MGMT: variants seen among roughly 807,000 people sequenced by gnomAD.
MGMT encodes the protein methylated-DNA--protein-cysteine methyltransferase.
Under a neutral mutation model 15.9 loss-of-function variants are expected in MGMT, and 14 were observed. The observed-to-expected ratio is 0.88, with a 90% CI of 0.58 to 1.37. MGMT has a LOEUF of 1.37. Among genes scored for constraint, MGMT ranks in the 40% most tolerant of loss-of-function variants. The pLI is 0.00. For missense variants in MGMT, 282 were observed against 268.1 expected (o/e 1.05, Z -0.36); for synonymous variants, 130 against 118.2 (o/e 1.10, Z -0.65).
intron 2 of MGMT, among the ~76,000 whole-genome samples, chr10:129,642,534 C>T (rs74160250): frequency 0.011 from 1,671 of 152,238 alleles, 34 homozygotes; most frequent in African/African-American, 0.037. Context: ...TAATTTTTAA[C>T]TACCCTGGTG....
chr10:129,616,429 C>T (rs1015296101), intron 2 of MGMT, among the ~76,000 whole-genome samples: 1 of 152,000 alleles, frequency 6.6e-6, no homozygotes, highest in Non-Finnish European at 1.5e-5. Flanking sequence ...AGAAGCTGTG[C>T]CCTGGAGCTG....
intron 1 of MGMT, among the ~76,000 whole-genome samples, chr10:129,517,187 G>A (rs181536225): frequency 5.9e-5 from 9 of 152,322 alleles, no homozygotes; most frequent in African/African-American, 1.9e-4. Flanking sequence ...CTGGTGCTCC[G>A]CCCATGGCTC....
intron 3 of MGMT, among the ~76,000 whole-genome samples, chr10:129,724,179 A>T (rs926817052): frequency 1.3e-5 from 2 of 152,180 alleles, no homozygotes; most frequent in Non-Finnish European, 2.9e-5. Flanking sequence ...ATCCATGTAG[A>T]GCCTGTTCCT....
chr10:129,628,000 C>T (rs763186697), intron 2 of MGMT, among the ~76,000 whole-genome samples: 9 of 152,152 alleles, frequency 5.9e-5, no homozygotes, highest in Non-Finnish European at 8.8e-5. Flanking sequence ...ACTTTGGAAG[C>T]GTCTGGCTGG....
chr10:129,752,496 T>C (rs1848760333), intron 3 of MGMT, among the ~76,000 whole-genome samples: 1 of 151,982 alleles, frequency 6.6e-6, no homozygotes, highest in Admixed American at 6.5e-5. Context: ...ATGTTTCAAT[T>C]TAGGTCTAAC....
chr10:129,697,859 C>A (rs1160315071), intron 2 of MGMT, among the ~76,000 whole-genome samples: 1 of 152,190 alleles, frequency 6.6e-6, no homozygotes, highest in Non-Finnish European at 1.5e-5. Flanking sequence ...CATCTACTCT[C>A]ACTGGTGGTT....
chr10:129,564,951 A>G (rs558946051), intron 2 of MGMT, among the ~76,000 whole-genome samples: 10 of 152,094 alleles, frequency 6.6e-5, no homozygotes, highest in Non-Finnish European at 1.2e-4. Context: ...GGATGGCGCC[A>G]TAAACAGGCT....
rs1431406801 is a variant in MGMT at position 129,471,658 on chromosome 10, G to A, written c.-13+4362G>A. ...GCCCTCTGCATCAGAATTACTGTGG[G>A]TGCTGGCTAGAGAGGTCTCTCGATT... On this transcript the variant is annotated intron_variant, in intron 1 of 4. Transcript: ENST00000651593. 5.9e-5 allele frequency among the ~76,000 whole-genome samples: 9 copies of A among 152,262 alleles called. No homozygotes were observed. The East Asian group carries it at 1.6e-3, about 26-fold the overall frequency.
intron 2 of MGMT, among the ~76,000 whole-genome samples, chr10:129,620,064 T>C (rs1847073919): frequency 6.6e-6 from 1 of 152,204 alleles, no homozygotes; most frequent in Non-Finnish European, 1.5e-5. Flanking sequence ...GCTGTGTGTC[T>C]TTGGAGGACA....
chr10:129,489,354 T>C (rs1046207227), intron 1 of MGMT, among the ~76,000 whole-genome samples: 6 of 105,832 alleles, frequency 5.7e-5, no homozygotes, highest in Admixed American at 1.1e-4. Context: ...TGCAGGACTC[T>C]GTCTCAAAAA....
At chr10:129,657,699 A>ACACACG (rs1554874785) in intron 2 of MGMT, among the ~76,000 whole-genome samples, 67 of 124,902 alleles carry the variant, frequency 5.4e-4, no homozygotes, top group African/African-American at 2.2e-3. Flanking sequence ...ACACACACAC[A>ACACACG]CACACACGCA....
At chr10:129,727,325 C>T (rs1848445513) in intron 3 of MGMT, among the ~76,000 whole-genome samples, 1 of 152,210 alleles carries the variant, frequency 6.6e-6, no homozygotes, top group African/African-American at 2.4e-5. Context: ...TACAGGCAGC[C>T]CCAGGAGAGG....
At chr10:129,503,583 A>G (rs781335367) in intron 1 of MGMT, among the ~76,000 whole-genome samples, 12 of 152,228 alleles carry the variant, frequency 7.9e-5, no homozygotes, top group Non-Finnish European at 1.8e-4. Flanking sequence ...TTTAAAAAAG[A>G]GACTGTTTCT....
intron 2 of MGMT, among the ~76,000 whole-genome samples, chr10:129,604,168 T>C (rs534055702): frequency 6.6e-6 from 1 of 152,188 alleles, no homozygotes; most frequent in Non-Finnish European, 1.5e-5. Flanking sequence ...CTTGTTTGCA[T>C]GATTTACCAA....
rs139566129 is a variant in MGMT, at chr10:129,636,639, G to A, written c.126-71256G>A. Among the ~76,000 whole-genome samples the A allele has an allele frequency of 5.2e-3, 793 of 152,308 alleles. 3 individuals carry two copies. Among genetic ancestry groups the A allele is most frequent in the Non-Finnish European group, 8.8e-3 (599 of 68,026 alleles). Reference sequence around the variant, plus strand: ...GAGGAAAAGCTTTCAGCATTCCACTGTTGATTTCCTGTGAACTCTATAGAT... The same window carrying A: ...GAGGAAAAGCTTTCAGCATTCCACTATTGATTTCCTGTGAACTCTATAGAT... On this transcript the variant is annotated intron_variant, in intron 2 of 4. Transcript: ENST00000651593.
intron 2 of MGMT, among the ~76,000 whole-genome samples, chr10:129,553,835 C>T (rs935388840): frequency 6.6e-6 from 1 of 152,146 alleles, no homozygotes; most frequent in African/African-American, 2.4e-5. Flanking sequence ...TTCTGTCTCC[C>T]GCTGGAAAGG....
chr10:129,546,845 A>G (rs919238818), intron 2 of MGMT, among the ~76,000 whole-genome samples: 5 of 152,222 alleles, frequency 3.3e-5, no homozygotes, highest in African/African-American at 9.6e-5. Flanking sequence ...TCGGGATGCC[A>G]GCTAAATGCT....
intron 1 of MGMT, among the ~76,000 whole-genome samples, chr10:129,483,534 A>T (rs986332412): frequency 1.3e-5 from 2 of 152,148 alleles, no homozygotes; most frequent in Non-Finnish European, 2.9e-5. Flanking sequence ...TGTGAATTCT[A>T]GGTTGACCTG....
At chr10:129,584,547 T>A (rs1187849205) in intron 2 of MGMT, among the ~76,000 whole-genome samples, 1 of 152,108 alleles carries the variant, frequency 6.6e-6, no homozygotes, top group Admixed American at 6.5e-5. Context: ...TACAGTTGTG[T>A]GTCCATCATC....
Sources: allele counts gnomAD v4.1 joint callset (sites outside exome capture counted in the v4.1 genomes callset), GRCh38; gene constraint gnomAD v4.1.1; transcripts MANE v1.5; gene names NCBI Gene and HGNC (gene_info 2026-07-23, HGNC 2026-07-21).